The following TNRC6A variants were observed in gnomAD, a reference collection of about 807,000 sequenced individuals.
The protein encoded by TNRC6A is trinucleotide repeat-containing gene 6A protein.
A neutral mutation model predicts 221.2 loss-of-function variants in TNRC6A; 44 were observed. That is an observed-to-expected ratio of 0.20 (90% CI 0.16 to 0.26). The LOEUF is 0.26. Ranked by LOEUF, TNRC6A falls within the 10% of genes least tolerant of loss-of-function variation. TNRC6A has a pLI of 1.00. For missense variants in TNRC6A, 2,199 were observed against 2,404.4 expected (o/e 0.91, Z 1.79); for synonymous variants, 847 against 838.5 (o/e 1.01, Z -0.18).
At chr16:24,729,599 T>TG (rs902323262), upstream of TNRC6A, 6 of 406,650 alleles carry the variant, frequency 1.5e-5, no homozygotes, top group Admixed American at 4.6e-5. Flanking sequence ...GCCTCCATCT[T>TG]GGGGGCCAGT....
chr16:24,713,086 T>G (rs1274232483), intron 2 of TNRC6A, among the ~76,000 whole-genome samples: 1 of 152,078 alleles, frequency 6.6e-6, no homozygotes, highest in Non-Finnish European at 1.5e-5. Flanking sequence ...CCCAAGAGTC[T>G]ACATTTCATT....
intron 2 of TNRC6A, among the ~76,000 whole-genome samples, chr16:24,648,353 C>G (rs1450458352): frequency 2.2e-5 from 3 of 135,842 alleles, no homozygotes; most frequent in Non-Finnish European, 4.6e-5. Context: ...CTCACTGCAA[C>G]CTCCAACCCC....
chr16:24,708,002 T>C (rs2056129329), intron 2 of TNRC6A, among the ~76,000 whole-genome samples: 1 of 151,562 alleles, frequency 6.6e-6, no homozygotes, highest in Non-Finnish European at 1.5e-5. Context: ...GAGATTGTAG[T>C]GAGCTGAGAT....
At chr16:24,682,913 A>T (rs2055560497) in intron 2 of TNRC6A, among the ~76,000 whole-genome samples, 1 of 152,186 alleles carries the variant, frequency 6.6e-6, no homozygotes, top group African/African-American at 2.4e-5. Context: ...GTGTTCGATA[A>T]ATGCATCATT....
chr16:24,689,651 AC>A (rs1477114843), intron 2 of TNRC6A, among the ~76,000 whole-genome samples: 1 of 152,122 alleles, frequency 6.6e-6, no homozygotes, highest in East Asian at 1.9e-4. Context: ...CAAGGCAGAT[AC>A]AAATTGCTGC....
At position 24,805,677 on chromosome 16, in the gene TNRC6A, G is replaced by T. The variant is rs2058416682; in HGVS notation, c.4195G>T (p.Ala1399Ser). ...LNPLFGPQQV[A>S]MLNQLSQLNQ... ...TCCACTCTTTGGCCCTCAACAGGTA[G>T]CCATGCTGAACCAGCTATCCCAGCT... Residue 1399 changes from alanine (A) to serine (S), a missense_variant, in exon 15 of 25, where the codon GCC (alanine) becomes TCC (serine). Coordinates refer to ENST00000395799, the MANE Select transcript of TNRC6A (RefSeq NM_014494.4). 1.9e-6 allele frequency: 3 copies of T among 1,614,092 alleles called. No individual in the cohort carries two copies. The African/African-American group carries it at 4.0e-5, about 22-fold the overall frequency.
chr16:24,690,810 C>CTTT (rs11440232), intron 2 of TNRC6A, among the ~76,000 whole-genome samples: 1 of 142,630 alleles, frequency 7.0e-6, no homozygotes, highest in Admixed American at 7.1e-5. Flanking sequence ...TCTTTTCTTT[C>CTTT]TTTTTTTTTT....
At chr16:24,772,348 GTTTCTT>G (rs953173642) in intron 4 of TNRC6A, among the ~76,000 whole-genome samples, 2 of 152,104 alleles carry the variant, frequency 1.3e-5, no homozygotes, top group East Asian at 1.9e-4. Context: ...AGAGATACGT[GTTTCTT>G]TTTCTTTTTC....
At chr16:24,805,189 A>G in intron 14 of TNRC6A, 38 bp downstream of exon 14, 1 of 1,606,716 alleles carries the variant, frequency 6.2e-7, no homozygotes, top group Non-Finnish European at 8.5e-7. Flanking sequence ...GTTTACCTGC[A>G]AAAAGGATCT....
chr16:24,696,756 G>GAAAAAAAAA (rs2055872832), intron 2 of TNRC6A, among the ~76,000 whole-genome samples: 1 of 75,536 alleles, frequency 1.3e-5, no homozygotes, highest in African/African-American at 5.0e-5. Context: ...GAAAGGAAAG[G>GAAAAAAAAA]AAAGGAAGGG....
chr16:24,721,448 C>T (rs908716337), intron 2 of TNRC6A, among the ~76,000 whole-genome samples: 30 of 151,998 alleles, frequency 2.0e-4, no homozygotes, highest in African/African-American at 6.5e-4. Context: ...GTGTGTGGAT[C>T]CCTTGAGCCC....
chr16:24,747,958 CTG>C lies in TNRC6A; in HGVS notation c.54-2766_54-2765del, dbSNP rs549416442. Among the ~76,000 whole-genome samples the C allele has an allele frequency of 7.9e-5, 12 of 152,254 alleles. No homozygotes were observed. In the East Asian group the frequency reaches 2.3e-3, roughly 29 times the overall value. On this transcript the variant is annotated intron_variant, in intron 2 of 24. Coordinates refer to ENST00000395799, the MANE Select transcript of TNRC6A (RefSeq NM_014494.4). ...CATAGAAGATCAGAAAAGGACATGT[CTG>C]TAATTCACAGCAGAACATGAAGAAC...
chr16:24,724,327 A>T (rs936542431), intron 2 of TNRC6A, among the ~76,000 whole-genome samples: 3 of 152,210 alleles, frequency 2.0e-5, no homozygotes, highest in African/African-American at 7.2e-5. Flanking sequence ...CAAAGTGGGG[A>T]TAATATTTCT....
At chr16:24,740,041 T>A (rs1478561845) in intron 2 of TNRC6A, among the ~76,000 whole-genome samples, 1 of 152,240 alleles carries the variant, frequency 6.6e-6, no homozygotes, top group Admixed American at 6.5e-5. Flanking sequence ...CTTCATTTGT[T>A]GAAAAGACTT....
At chr16:24,688,470 T>C (rs1449453691) in intron 2 of TNRC6A, among the ~76,000 whole-genome samples, 2 of 152,016 alleles carry the variant, frequency 1.3e-5, no homozygotes, top group African/African-American at 4.8e-5. Flanking sequence ...GCAGGAAAAG[T>C]GTGGAGTCTG....
In TNRC6A at chr16:24,729,713, G is replaced by GGCGGCGGCA. The variant is rs1555495712; in HGVS notation, c.-124_-123insGGCAGCGGC. The GGCGGCGGCA allele has an allele frequency of 1.9e-5, 21 of 1,117,310 alleles. No individual in the cohort carries two copies. Among genetic ancestry groups the GGCGGCGGCA allele is most frequent in the Admixed American group, 4.2e-5 (1 of 23,708 alleles). 69.2% of individuals were successfully genotyped at this position (1,117,310 alleles called of 1,614,324 possible). ...CGGCGGCGGCGGCGGCGGCGGCGGC[G>GGCGGCGGCA]GCGGCAGCGGGTCGGTGTAGAAAAT... On this transcript the variant is annotated 5_prime_UTR_variant, in exon 1 of 25. Coordinates refer to ENST00000395799, the MANE Select transcript of TNRC6A (RefSeq NM_014494.4).
chr16:24,797,827 A>G, intron 10 of TNRC6A, 88 bp from the exon 11 acceptor site: 2 of 1,186,670 alleles, frequency 1.7e-6, no homozygotes, highest in Non-Finnish European at 2.4e-6. Flanking sequence ...AATTTCACAG[A>G]TAATGAAACA....
intron 1 of TNRC6A, among the ~76,000 whole-genome samples, chr16:24,619,405 A>G (rs1900550428): frequency 1.3e-5 from 2 of 152,240 alleles, no homozygotes. Flanking sequence ...TTTGAAGGTA[A>G]GAAATTGCCT....
In TNRC6A at chr16:24,750,783, CAAG is replaced by C; in HGVS notation, c.114_116del (p.Lys41del). 1 of 1,563,932 alleles carries C rather than the reference CAAG, an allele frequency of 6.4e-7. No individual in the cohort carries two copies. The highest frequency in any genetic ancestry group is 8.6e-7 in the Non-Finnish European group (1 of 1,157,716). ...AAGAAAAGAAAAAGAAAAAAGACGA[CAAG>C]AAAAAGAAGGAAGCTGCTCAAAAGA... On this transcript the variant is annotated inframe_deletion, in exon 3 of 25. Transcript: ENST00000395799.
Sources: allele counts gnomAD v4.1 joint callset (sites outside exome capture counted in the v4.1 genomes callset), GRCh38; gene constraint gnomAD v4.1.1; transcripts MANE v1.5; gene names NCBI Gene and HGNC (gene_info 2026-07-23, HGNC 2026-07-21).